TMCO6: variants seen among roughly 807,000 people sequenced by gnomAD.
TMCO6 encodes the protein transmembrane and coiled-coil domains 6.
A neutral mutation model predicts 61.8 loss-of-function variants in TMCO6; 47 were observed. That is an observed-to-expected ratio of 0.76 (90% CI 0.60 to 0.97). The LOEUF is 0.97. Among genes scored for constraint, TMCO6 ranks in the 50% least tolerant of loss-of-function variants. TMCO6 has a pLI of 0.00. For synonymous variants in TMCO6, 261 were observed against 254.2 expected, an observed-to-expected ratio of 1.03 and a Z score of -0.25; for missense variants, 557 against 601.6, an observed-to-expected ratio of 0.93 and a Z score of 0.78.
At chr5:140,601,537 C>T in the TMCO6 span, among the ~76,000 whole-genome samples, 1 of 152,198 alleles carries the variant, frequency 6.6e-6, no homozygotes, top group African/African-American at 2.4e-5. Context: ...GTTGTTTTGA[C>T]CCCATTCACG....
chr5:140,610,524 C>A, the TMCO6 span, among the ~76,000 whole-genome samples: 1 of 152,144 alleles, frequency 6.6e-6, no homozygotes, highest in South Asian at 2.1e-4. Flanking sequence ...ATTTAATTTT[C>A]AGAATGTGCA....
At chr5:140,599,667 G>A in the TMCO6 span, among the ~76,000 whole-genome samples, 2 of 152,298 alleles carry the variant, frequency 1.3e-5, no homozygotes, top group South Asian at 2.1e-4. Context: ...TTGGGAGGCC[G>A]AAGAGGGCGG....
the TMCO6 span, among the ~76,000 whole-genome samples, chr5:140,626,431 C>T: frequency 1.3e-5 from 2 of 152,020 alleles, no homozygotes. Flanking sequence ...GACAGAATCT[C>T]ACTTTGTCAC....
At chr5:140,636,284 C>T (rs1756768802), upstream of TMCO6, among the ~76,000 whole-genome samples, 4 of 152,050 alleles carry the variant, frequency 2.6e-5, no homozygotes, top group Admixed American at 1.3e-4. Flanking sequence ...AGGCATGAGC[C>T]ACCTTGCTGG....
At chr5:140,610,465 C>T in the TMCO6 span, among the ~76,000 whole-genome samples, 1 of 152,142 alleles carries the variant, frequency 6.6e-6, no homozygotes, top group South Asian at 2.1e-4. Context: ...AACCAAAGTG[C>T]TGGGATTACA....
At chr5:140,606,624 G>C in the TMCO6 span, among the ~76,000 whole-genome samples, 1 of 152,114 alleles carries the variant, frequency 6.6e-6, no homozygotes, top group African/African-American at 2.4e-5. Context: ...TTATAATGGA[G>C]CAGAAAAATC....
the TMCO6 span, among the ~76,000 whole-genome samples, chr5:140,624,942 C>A: frequency 6.6e-6 from 1 of 150,934 alleles, no homozygotes; most frequent in South Asian, 2.1e-4. Flanking sequence ...CAACCTCTGC[C>A]TCCCAGGTAC....
At chr5:140,616,871 TCTATCTCTA>T in the TMCO6 span, among the ~76,000 whole-genome samples, 1 of 142,482 alleles carries the variant, frequency 7.0e-6, no homozygotes, top group Admixed American at 7.0e-5. Context: ...CATGATGAAC[TCTATCTCTA>T]CAAAAAATAA....
chr5:140,601,977 T>C, the TMCO6 span, among the ~76,000 whole-genome samples: 1 of 152,238 alleles, frequency 6.6e-6, no homozygotes, highest in East Asian at 1.9e-4. Flanking sequence ...GGCAACAAGA[T>C]GTTGCCCATG....
the TMCO6 span, among the ~76,000 whole-genome samples, chr5:140,600,912 C>T: frequency 6.6e-6 from 1 of 152,308 alleles, no homozygotes; most frequent in East Asian, 1.9e-4. Context: ...TTAATCCAAA[C>T]TTTTGTCACT....
At chr5:140,609,267 T>C in the TMCO6 span, 1 of 173,346 alleles carries the variant, frequency 5.8e-6, no homozygotes, top group South Asian at 1.2e-4. Context: ...ATGGAGTTGC[T>C]TGAGGTTTCT....
At chr5:140,600,551 C>T in the TMCO6 span, among the ~76,000 whole-genome samples, 20 of 151,172 alleles carry the variant, frequency 1.3e-4, no homozygotes, top group Non-Finnish European at 2.1e-4. Flanking sequence ...CTGCAACCTT[C>T]GCCTCCCGAG....
the TMCO6 span, among the ~76,000 whole-genome samples, chr5:140,617,264 A>G: frequency 6.6e-5 from 10 of 152,216 alleles, no homozygotes; most frequent in East Asian, 1.9e-3. Context: ...CGTCTCTACT[A>G]AAAATACAAA....
the TMCO6 span, among the ~76,000 whole-genome samples, chr5:140,620,855 T>A: frequency 6.6e-6 from 1 of 151,948 alleles, no homozygotes; most frequent in East Asian, 1.9e-4. Flanking sequence ...TACAAAAAAA[T>A]TTCTTTAATT....
chr5:140,647,482 C>A (rs1014802286), downstream of TMCO6: 2 of 1,612,304 alleles, frequency 1.2e-6, no homozygotes, highest in Non-Finnish European at 8.5e-7. Context: ...CCGCGCCTCA[C>A]CTGACGCCCT....
At chr5:140,619,308 C>A in the TMCO6 span, among the ~76,000 whole-genome samples, 1 of 152,132 alleles carries the variant, frequency 6.6e-6, no homozygotes, top group Non-Finnish European at 1.5e-5. Context: ...CCCTTTCTAG[C>A]CTCATGCATT....
In TMCO6 at chr5:140,642,297, T is replaced by C. The variant is rs760307908; in HGVS notation, c.499-18T>C. On this transcript the variant is annotated intron_variant, in intron 4 of 11. Coordinates refer to ENST00000394671, the MANE Select transcript of TMCO6 (RefSeq NM_018502.5). ...CATGAAACAGGCCAAGCCCAGTGCT[T>C]TTGTTGCCTGTTCTCAGGAGCTGTG... 3.8e-6 allele frequency: 6 copies of C among 1,596,100 alleles called. No individual in the cohort carries two copies. In the Admixed American group the frequency reaches 5.2e-5, roughly 14 times the overall value.
downstream of TMCO6, chr5:140,647,727 G>C: frequency 7.6e-7 from 1 of 1,324,070 alleles, no homozygotes; most frequent in Non-Finnish European, 1.1e-6. Flanking sequence ...AGTATTGTAG[G>C]ACCGCTGCGA....
chr5:140,618,245 C>T, the TMCO6 span, among the ~76,000 whole-genome samples: 5 of 152,048 alleles, frequency 3.3e-5, no homozygotes, highest in African/African-American at 7.2e-5. Flanking sequence ...GCCTGACCAA[C>T]ATGGCGAAAC....
Sources: allele counts gnomAD v4.1 joint callset (sites outside exome capture counted in the v4.1 genomes callset), GRCh38; gene constraint gnomAD v4.1.1; transcripts MANE v1.5; gene names NCBI Gene and HGNC (gene_info 2026-07-23, HGNC 2026-07-21).